PPIL3: variants seen among roughly 807,000 people sequenced by gnomAD.
The protein encoded by PPIL3 is peptidyl-prolyl cis-trans isomerase-like 3.
A neutral mutation model predicts 20.9 loss-of-function variants in PPIL3; 13 were observed. That is an observed-to-expected ratio of 0.62 (90% CI 0.40 to 0.99). The LOEUF is 0.99. PPIL3 is among the 50% of genes least tolerant of loss of function. The pLI is 0.00. For missense variants in PPIL3, 170 were observed against 195.2 expected (o/e 0.87, Z 0.77); for synonymous variants, 71 against 64.4 (o/e 1.10, Z -0.49).
upstream of PPIL3, chr2:200,889,148 A>C (rs2040100296): frequency 4.7e-6 from 2 of 424,320 alleles, no homozygotes; most frequent in South Asian, 3.3e-5. Context: ...TCTCAAACCA[A>C]AACGACAATG....
intron 6 of PPIL3, among the ~76,000 whole-genome samples, chr2:200,873,892 G>A (rs187479879): frequency 1.1e-3 from 165 of 151,682 alleles, no homozygotes; most frequent in Non-Finnish European, 2.1e-3. Context: ...CTCAACCACT[G>A]GTATGTACTT....
intron 5 of PPIL3, among the ~76,000 whole-genome samples, chr2:200,878,038 G>A (rs965018705): frequency 6.6e-6 from 1 of 152,156 alleles, no homozygotes; most frequent in Non-Finnish European, 1.5e-5. Flanking sequence ...ATTGGGTGAC[G>A]CTAATAAGTC....
intron 2 of PPIL3, among the ~76,000 whole-genome samples, chr2:200,886,450 G>A (rs1048217905): frequency 2.9e-4 from 44 of 150,596 alleles, no homozygotes; most frequent in African/African-American, 1.1e-3. Flanking sequence ...TTTTGAGGTG[G>A]AGTCTTGCTC....
chr2:200,887,415 A>T (rs2039979399), intron 2 of PPIL3, among the ~76,000 whole-genome samples, 198 bp downstream of exon 2: 1 of 151,026 alleles, frequency 6.6e-6, no homozygotes, highest in Non-Finnish European at 1.5e-5. Flanking sequence ...AATTCTGTGC[A>T]TTTTAAGTGA....
chr2:200,886,034 A>T (rs2039927272), intron 2 of PPIL3, among the ~76,000 whole-genome samples: 2 of 152,236 alleles, frequency 1.3e-5, no homozygotes, highest in Non-Finnish European at 2.9e-5. Flanking sequence ...TTGGAAGTAA[A>T]TATTTTGATG....
chr2:200,882,879 G>A (rs752441655), intron 3 of PPIL3, among the ~76,000 whole-genome samples: 13 of 145,746 alleles, frequency 8.9e-5, no homozygotes, highest in Admixed American at 7.7e-4. Context: ...CAGCCCGGGC[G>A]ACAGAGACTC....
At chr2:200,889,200 C>G (rs950575000), upstream of PPIL3, 4 of 377,270 alleles carry the variant, frequency 1.1e-5, no homozygotes, top group Non-Finnish European at 1.6e-5. Flanking sequence ...AAAGGGAGCT[C>G]TACTAATAAT....
chr2:200,881,704 T>C (rs888544641), intron 4 of PPIL3: 1 of 501,448 alleles, frequency 2.0e-6, no homozygotes. Flanking sequence ...ATAAATATTG[T>C]TCATATATAT....
intron 3 of PPIL3, among the ~76,000 whole-genome samples, chr2:200,883,388 T>C (rs530390460): frequency 6.6e-5 from 10 of 152,240 alleles, no homozygotes; most frequent in Admixed American, 2.0e-4. Flanking sequence ...TGGCTACACC[T>C]GCCCTCACCT....
chr2:200,882,586 C>G, intron 3 of PPIL3, 151 bp from the exon 4 acceptor site: 1 of 643,790 alleles, frequency 1.6e-6, no homozygotes. Flanking sequence ...TACAACACTT[C>G]AATAGCTTCC....
chr2:200,871,336 T>C lies in PPIL3; in HGVS notation c.*59A>G, dbSNP rs1265246320. The C allele has an allele frequency of 2.6e-6, 4 of 1,509,808 alleles. No homozygotes were observed. Among genetic ancestry groups the C allele is most frequent in the Non-Finnish European group, 3.6e-6 (4 of 1,107,824 alleles). 93.5% of individuals were successfully genotyped at this position (1,509,808 alleles called of 1,614,324 possible). ...AATCTCTGACATAATTAAAACCGGG[T>C]AAACCACAATAAGTGTGTTCCAGCA... On this transcript the variant is annotated 3_prime_UTR_variant, in exon 7 of 7. Transcript: ENST00000392283.
chr2:200,885,550 A>T, intron 3 of PPIL3, 148 bp downstream of exon 3: 1 of 617,470 alleles, frequency 1.6e-6, no homozygotes, highest in Non-Finnish European at 2.8e-6. Flanking sequence ...AATAAGTGGA[A>T]ATCAGGCCAG....
At chr2:200,886,155 G>A (rs897014445) in intron 2 of PPIL3, among the ~76,000 whole-genome samples, 4 of 152,138 alleles carry the variant, frequency 2.6e-5, no homozygotes, top group African/African-American at 9.7e-5. Context: ...GAAAAATGAT[G>A]AGAAAATGAT....
intron 6 of PPIL3, among the ~76,000 whole-genome samples, chr2:200,876,143 G>T (rs60502738): frequency 0.03 from 4,113 of 137,782 alleles, 174 homozygotes; most frequent in African/African-American, 0.098. Flanking sequence ...TGTTTTTTTT[G>T]TTTTTTTTTT....
chr2:200,887,734 C>T lies in PPIL3; in HGVS notation c.-70-49G>A, dbSNP rs2040001697. 6.5e-6 allele frequency: 5 copies of T among 770,982 alleles called. No individual in the cohort carries two copies. In the East Asian group the frequency reaches 1.3e-4, roughly 20 times the overall value. 47.8% of individuals were successfully genotyped at this position (770,982 alleles called of 1,614,324 possible). Reference sequence around the variant, plus strand: ...TTAGGCTCATTTTCCTGTCTTAACTCACACACGCTCATCTTTACTGAACAT... The same window carrying T: ...TTAGGCTCATTTTCCTGTCTTAACTTACACACGCTCATCTTTACTGAACAT... On this transcript the variant is annotated intron_variant, in intron 1 of 6. Transcript: ENST00000392283.
At chr2:200,884,762 A>T (rs1292867353) in intron 3 of PPIL3, 1 of 152,066 alleles carries the variant, frequency 6.6e-6, no homozygotes, top group East Asian at 1.9e-4. Context: ...AGTATACAAC[A>T]ATTCTTTAAT....
In PPIL3 at chr2:200,876,918, C is replaced by T; in HGVS notation, c.359+1G>A. The T allele has an allele frequency of 6.3e-7, 1 of 1,587,972 alleles. No homozygotes were observed. Among genetic ancestry groups the T allele is most frequent in the East Asian group, 2.2e-5 (1 of 44,770 alleles). The stretch of plus-strand genomic sequence containing the variant: ...AAGAAAACCATAACCAGAATACTCA[C>T]TTTCCAAATACGGTGTATTTCATGT... On this transcript the variant is annotated splice_donor_variant, in intron 6 of 6. Transcript: ENST00000392283. LOFTEE classifies it high-confidence loss of function.
Position 200,881,380 on chromosome 2 carries a change from C to A in PPIL3, c.240+41G>T, listed in dbSNP as rs367576120. 6 of 1,502,204 alleles carry A rather than the reference C, an allele frequency of 4.0e-6. No homozygotes were observed. In the African/African-American group the frequency reaches 8.3e-5, roughly 21 times the overall value. The allele number at this position is 1,502,204 out of a possible 1,614,324, so 93.1% of individuals were successfully genotyped here. On this transcript the variant is annotated intron_variant, in intron 5 of 6. Transcript: ENST00000392283. ...ATGTATCAAAGTTTCCATGCATAAC[C>A]AAGGCATGAGAAATAGATTTTTAAA...
Position 200,878,715 on chromosome 2 carries a change from A to G in PPIL3, c.241-1678T>C, listed in dbSNP as rs576824670. Among the ~76,000 whole-genome samples, 366 of 152,222 alleles carry G rather than the reference A, an allele frequency of 2.4e-3. 1 individual carries two copies. Among genetic ancestry groups the G allele is most frequent in the African/African-American group, 8.1e-3 (337 of 41,530 alleles). ...AGCCCTAACACATTTACACATGCCT[A>G]AACAACACATTCTTTCCTTTTCCTT... On this transcript the variant is annotated intron_variant, in intron 5 of 6. Transcript: ENST00000392283.
Sources: gnomAD v4.1 joint callset for allele counts (sites outside exome capture counted in the v4.1 genomes callset) on GRCh38, gnomAD v4.1.1 for gene constraint, MANE v1.5 for transcripts, NCBI Gene and HGNC (gene_info 2026-07-23, HGNC 2026-07-21) for gene names.